The following EZR variants were observed in gnomAD, a reference collection of about 807,000 sequenced individuals.
EZR encodes the protein cytovillin 2.
In EZR, 40 loss-of-function variants were observed where a neutral mutation model predicts 74.8. The observed-to-expected ratio is 0.53, with a 90% CI of 0.42 to 0.70. EZR has a LOEUF of 0.70. Ranked by LOEUF, EZR falls within the 30% of genes least tolerant of loss-of-function variation. The pLI is 0.00. For synonymous variants in EZR, 341 were observed against 283.3 expected, an observed-to-expected ratio of 1.20 and a Z score of -2.05; for missense variants, 678 against 755.8, an observed-to-expected ratio of 0.90 and a Z score of 1.21.
chr6:158,769,270 G>A lies in EZR; in HGVS notation c.1344+56C>T, dbSNP rs1039847453. The A allele has an allele frequency of 1.2e-4, 180 of 1,513,568 alleles. No homozygotes were observed. The African/African-American group carries it at 2.2e-3, about 18-fold the overall frequency. 93.8% of individuals were successfully genotyped at this position (1,513,568 alleles called of 1,614,324 possible). The stretch of plus-strand genomic sequence containing the variant: ...CCACCTGCAGAAGGGCCCCACCGCA[G>A]GCAATTGGGCAACAGGTGCTGTGGC... On this transcript the variant is annotated intron_variant, in intron 12 of 13. Transcript: ENST00000367075.
chr6:158,767,728 G>A (rs1003838887), intron 12 of EZR, among the ~76,000 whole-genome samples: 8 of 152,022 alleles, frequency 5.3e-5, no homozygotes, highest in Admixed American at 2.6e-4. Flanking sequence ...CGGAACCTGG[G>A]CAGTTTTAAA....
At chr6:158,773,447 GC>G (rs1791180193) in intron 8 of EZR, among the ~76,000 whole-genome samples, 1 of 152,220 alleles carries the variant, frequency 6.6e-6, no homozygotes, top group South Asian at 2.1e-4. Context: ...CTAACCTGAT[GC>G]AGGATGCAGC....
chr6:158,814,368 C>G (rs1457584348), intron 2 of EZR, among the ~76,000 whole-genome samples: 15 of 53,658 alleles, frequency 2.8e-4, no homozygotes, highest in East Asian at 6.4e-4. Flanking sequence ...TTTCCTTTCC[C>G]CATCAGATTT....
chr6:158,806,348 T>C (rs1173853253), intron 2 of EZR, among the ~76,000 whole-genome samples: 2 of 152,202 alleles, frequency 1.3e-5, no homozygotes, highest in East Asian at 3.8e-4. Context: ...TATAACATGC[T>C]TTTTAAAAGC....
chr6:158,774,785 A>G (rs933822060), intron 8 of EZR, among the ~76,000 whole-genome samples: 1 of 151,840 alleles, frequency 6.6e-6, no homozygotes, highest in Non-Finnish European at 1.5e-5. Flanking sequence ...TGTTCTGAAA[A>G]GGCAGTAGCG....
At chr6:158,816,132 T>C (rs1777548207) in intron 2 of EZR, among the ~76,000 whole-genome samples, 1 of 152,186 alleles carries the variant, frequency 6.6e-6, no homozygotes, top group African/African-American at 2.4e-5. Context: ...GTCGAATTCA[T>C]AGAGACAGAA....
Position 158,765,873 on chromosome 6 carries a change from C to G in EZR, c.*1041G>C, listed in dbSNP as rs1790751517. ...GGGCGGAACCAACGGCCTCCACAAG[C>G]TGCCTTCCAGCAGCCTGCCAAGGCC... On this transcript the variant is annotated 3_prime_UTR_variant, in exon 14 of 14. Transcript: ENST00000367075. The G allele has an allele frequency of 6.6e-6, 1 of 152,108 alleles. No individual in the cohort carries two copies. The highest frequency in any genetic ancestry group is 2.4e-5 in the African/African-American group (1 of 41,390). 9.4% of individuals were successfully genotyped at this position (152,108 alleles called of 1,614,324 possible). A position where few individuals can be genotyped will look rare whatever the true frequency, so the allele number is the denominator to read the frequency against.
At chr6:158,778,267 GTC>G (rs2128568152) in intron 7 of EZR, among the ~76,000 whole-genome samples, 1 of 152,272 alleles carries the variant, frequency 6.6e-6, no homozygotes, top group South Asian at 2.1e-4. Flanking sequence ...TCCGGCTCCT[GTC>G]TCTACACAGG....
intron 2 of EZR, among the ~76,000 whole-genome samples, chr6:158,807,311 T>G (rs1777361271): frequency 1.6e-5 from 1 of 62,498 alleles, no homozygotes; most frequent in African/African-American, 9.2e-5. Flanking sequence ...AGAGACTCCG[T>G]CTCAAAAAAA....
chr6:158,776,929 C>CA (rs1042981585), intron 7 of EZR, among the ~76,000 whole-genome samples: 2 of 152,186 alleles, frequency 1.3e-5, no homozygotes, highest in African/African-American at 2.4e-5. Flanking sequence ...GCCCTACTTT[C>CA]AGTCTGCTGA....
At chr6:158,781,420 G>A (rs1227710905) in intron 7 of EZR, among the ~76,000 whole-genome samples, 2 of 152,142 alleles carry the variant, frequency 1.3e-5, no homozygotes, top group Non-Finnish European at 2.9e-5. Context: ...GGGGGAGGGG[G>A]AGCAGAGCGC....
At chr6:158,790,078 T>C (rs1268120719) in intron 2 of EZR, among the ~76,000 whole-genome samples, 1 of 152,188 alleles carries the variant, frequency 6.6e-6, no homozygotes, top group Non-Finnish European at 1.5e-5. Context: ...ATCAGAAGGT[T>C]TGAAGCAACC....
chr6:158,775,459 T>C (rs1369452814), intron 8 of EZR, among the ~76,000 whole-genome samples: 1 of 152,204 alleles, frequency 6.6e-6, no homozygotes, highest in Admixed American at 6.5e-5. Flanking sequence ...CTGTTCTAAG[T>C]GGATTTACCA....
At chr6:158,767,655 C>G in intron 12 of EZR, 143 bp from the exon 13 acceptor site, 1 of 795,622 alleles carries the variant, frequency 1.3e-6, no homozygotes, top group Non-Finnish European at 1.9e-6. Flanking sequence ...AGAGGAGCAC[C>G]CTCAGGGTGC....
At chr6:158,815,222 G>A (rs535314996) in intron 2 of EZR, among the ~76,000 whole-genome samples, 1 of 152,190 alleles carries the variant, frequency 6.6e-6, no homozygotes, top group East Asian at 1.9e-4. Context: ...ATTTACTAAG[G>A]CAGCAAAAAA....
chr6:158,814,870 G>GA (rs962214185), intron 2 of EZR, among the ~76,000 whole-genome samples: 2 of 152,102 alleles, frequency 1.3e-5, no homozygotes, highest in African/African-American at 4.8e-5. Context: ...TTGCTTTTGG[G>GA]AAACAGTATT....
At chr6:158,769,986 A>C in intron 10 of EZR, 42 bp from the exon 11 acceptor site, 1 of 1,599,866 alleles carries the variant, frequency 6.3e-7, no homozygotes, top group African/African-American at 1.3e-5. Flanking sequence ...CCCTCAGCCC[A>C]GGGACCTAGG....
chr6:158,801,807 G>A (rs1016727538), intron 2 of EZR, among the ~76,000 whole-genome samples: 6 of 152,200 alleles, frequency 3.9e-5, no homozygotes, highest in Non-Finnish European at 8.8e-5. Flanking sequence ...ATCATGGACA[G>A]TCATACTATT....
chr6:158,787,159 G>C lies in EZR; in HGVS notation c.141C>G (p.Leu47=). ...GAAATCCTTTATTATCCACATAGTG[G>C]AGGCCAAAGTACCACACTTCCCGGA... ...IGLREVWYFG[L]HYVDNKGFPT... The change falls in exon 4 of 14, where the codon CTC becomes CTG. Residue 47 remains leucine (L), a synonymous_variant. Transcript: ENST00000367075. The C allele has an allele frequency of 6.2e-7, 1 of 1,613,544 alleles. No individual in the cohort carries two copies. Among genetic ancestry groups the C allele is most frequent in the South Asian group, 1.1e-5 (1 of 91,066 alleles).
Sources: gnomAD v4.1 joint callset for allele counts (sites outside exome capture counted in the v4.1 genomes callset) on GRCh38, gnomAD v4.1.1 for gene constraint, MANE v1.5 for transcripts, NCBI Gene and HGNC (gene_info 2026-07-23, HGNC 2026-07-21) for gene names.